EEFSEC: variants seen among roughly 807,000 people sequenced by gnomAD.
The protein encoded by EEFSEC is selenocysteine-specific elongation factor.
EEFSEC carries 43 observed loss-of-function variants against 42.1 expected under a neutral mutation model. That is an observed-to-expected ratio of 1.02 (90% CI 0.80 to 1.32). The LOEUF is 1.32. Among genes scored for constraint, EEFSEC ranks in the 40% most tolerant of loss-of-function variants. The pLI, the probability that EEFSEC is intolerant of heterozygous loss-of-function variation, is 0.00. For synonymous variants in EEFSEC, 354 were observed against 339.1 expected (o/e 1.04, Z -0.48); for missense variants, 745 against 803.6 (o/e 0.93, Z 0.88).
chr3:128,226,693 TG>T (rs2065911035), intron 1 of EEFSEC, among the ~76,000 whole-genome samples: 2 of 152,300 alleles, frequency 1.3e-5, no homozygotes, highest in African/African-American at 4.8e-5. Flanking sequence ...TCTGTATGTG[TG>T]TGTGTGTTTC....
chr3:128,262,071 C>A, intron 2 of EEFSEC, 57 bp from the exon 3 acceptor site: 1 of 1,537,680 alleles, frequency 6.5e-7, no homozygotes, highest in Non-Finnish European at 9.0e-7. Flanking sequence ...CATGGACGTG[C>A]TTTGTGTCCA....
At chr3:128,418,431 A>G in the EEFSEC span, among the ~76,000 whole-genome samples, 3 of 150,236 alleles carry the variant, frequency 2.0e-5, no homozygotes, top group African/African-American at 7.4e-5. Flanking sequence ...CCCCATGCCC[A>G]CACCAGCAAG....
At chr3:128,402,972 C>T (rs1467408233) in intron 6 of EEFSEC, among the ~76,000 whole-genome samples, 1 of 151,408 alleles carries the variant, frequency 6.6e-6, no homozygotes. Context: ...ACAACAAACC[C>T]AAAACAAGGA....
intron 2 of EEFSEC, among the ~76,000 whole-genome samples, chr3:128,257,405 G>T (rs2066251934): frequency 6.6e-6 from 1 of 152,146 alleles, no homozygotes; most frequent in African/African-American, 2.4e-5. Context: ...GATATGTTCT[G>T]CCCAGCTCGT....
chr3:128,325,865 A>G (rs2067058342), intron 4 of EEFSEC, among the ~76,000 whole-genome samples: 1 of 152,254 alleles, frequency 6.6e-6, no homozygotes, highest in Non-Finnish European at 1.5e-5. Context: ...TTATTTAGCC[A>G]TTCCTCTATT....
chr3:128,425,336 C>CT, the EEFSEC span, among the ~76,000 whole-genome samples: 1 of 152,218 alleles, frequency 6.6e-6, no homozygotes, highest in Non-Finnish European at 1.5e-5. Context: ...CTGCACGTCC[C>CT]AGCAGCTCCT....
the EEFSEC span, among the ~76,000 whole-genome samples, chr3:128,422,530 CCTCAACACAGGGGCCAGACCCTGAGAAA>C: frequency 9.6e-4 from 146 of 152,318 alleles, 1 homozygote; most frequent in African/African-American, 3.4e-3. Context: ...CAGGGCCACG[CCTCAACACAGGGGCCAGACCCTGAGAAA>C]CTCGTTCTCA....
At chr3:128,360,450 A>G (rs2067510986) in intron 6 of EEFSEC, among the ~76,000 whole-genome samples, 1 of 152,206 alleles carries the variant, frequency 6.6e-6, no homozygotes, top group Admixed American at 6.5e-5. Context: ...TCCTTCCCCT[A>G]AACAGCTCTG....
At chr3:128,397,804 G>C (rs1228668628) in intron 6 of EEFSEC, among the ~76,000 whole-genome samples, 1 of 152,274 alleles carries the variant, frequency 6.6e-6, no homozygotes, top group Non-Finnish European at 1.5e-5. Flanking sequence ...GCCCATGGAT[G>C]GGGGGCATGA....
intron 1 of EEFSEC, among the ~76,000 whole-genome samples, chr3:128,221,549 A>G (rs2065861180): frequency 6.6e-6 from 1 of 152,226 alleles, no homozygotes; most frequent in East Asian, 1.9e-4. Context: ...CCAAGAAATT[A>G]ACATAGAAAC....
At chr3:128,164,070 C>G (rs2065220630) in intron 1 of EEFSEC, among the ~76,000 whole-genome samples, 1 of 152,146 alleles carries the variant, frequency 6.6e-6, no homozygotes. Context: ...CCTCCTCTTT[C>G]TGTGATGTGC....
chr3:128,186,360 C>G (rs1428407032), intron 1 of EEFSEC, among the ~76,000 whole-genome samples: 1 of 152,006 alleles, frequency 6.6e-6, no homozygotes, highest in Non-Finnish European at 1.5e-5. Context: ...ATATTTTCTC[C>G]CATTCTGTGG....
chr3:128,253,164 G>C (rs1373607663), intron 2 of EEFSEC, among the ~76,000 whole-genome samples: 3 of 152,272 alleles, frequency 2.0e-5, no homozygotes, highest in Non-Finnish European at 2.9e-5. Flanking sequence ...TGCCCAAAAG[G>C]GTTTGGATAA....
At position 128,358,058 on chromosome 3, in the gene EEFSEC, G is replaced by A. The variant is rs1293377111; in HGVS notation, c.1444-159G>A. ...CCTGCTCCCATGCATTTTGTTATCT[G>A]TTAGGTGGGCTCATCACCAGGCTAC... is the stretch of plus-strand genomic sequence containing the variant. On this transcript the variant is annotated intron_variant, in intron 5 of 6. Transcript: ENST00000254730. Among the ~76,000 whole-genome samples the A allele has an allele frequency of 3.3e-5, 5 of 152,134 alleles. No homozygotes were observed. In the East Asian group the frequency reaches 9.6e-4, roughly 29 times the overall value.
intron 1 of EEFSEC, among the ~76,000 whole-genome samples, chr3:128,163,938 G>GGAA (rs773164719): frequency 8.1e-6 from 1 of 124,144 alleles, no homozygotes; most frequent in African/African-American, 2.8e-5. Context: ...ATTTTTTTGT[G>GGAA]AAAAAAAAAA....
At position 128,262,222 on chromosome 3, in the gene EEFSEC, G is replaced by T; in HGVS notation, c.619G>T (p.Glu207Ter). ...TCCACAGGGCATTCCAGAGCTCATT[G>T]AGGTACTGTCATCTTGAATCCAGGT... is the stretch of plus-strand genomic sequence containing the variant. ...EAPQGIPELIELLTSQISIPT... is the reference protein window; with the variant it reads ...EAPQGIPELI Residue 207 changes from glutamate to a stop codon, truncating the protein, a stop_gained and splice_region_variant, in exon 3 of 7, where the codon GAG becomes TAG. Coordinates refer to ENST00000254730, the MANE Select transcript of EEFSEC (RefSeq NM_021937.5). LOFTEE classifies it high-confidence loss of function. 1 of 1,614,068 alleles carries T rather than the reference G, an allele frequency of 6.2e-7. No homozygotes were observed. Among genetic ancestry groups the T allele is most frequent in the East Asian group, 2.2e-5 (1 of 44,882 alleles).
At chr3:128,261,452 T>C (rs2066295362) in intron 2 of EEFSEC, among the ~76,000 whole-genome samples, 1 of 151,144 alleles carries the variant, frequency 6.6e-6, no homozygotes, top group South Asian at 2.1e-4. Context: ...ATAACCAAAA[T>C]CTGAAAAAAA....
chr3:128,216,201 A>G (rs1242852434), intron 1 of EEFSEC, among the ~76,000 whole-genome samples: 1 of 152,236 alleles, frequency 6.6e-6, no homozygotes, highest in African/African-American at 2.4e-5. Flanking sequence ...AAACTGTCCC[A>G]TTTAGTTGAA....
intron 1 of EEFSEC, among the ~76,000 whole-genome samples, chr3:128,221,646 A>G (rs2107847878): frequency 6.6e-6 from 1 of 152,306 alleles, no homozygotes; most frequent in Admixed American, 6.5e-5. Context: ...GCAAGCCCCC[A>G]CAGAAAACAA....
Sources: gnomAD v4.1 joint callset for allele counts (sites outside exome capture counted in the v4.1 genomes callset) on GRCh38, gnomAD v4.1.1 for gene constraint, MANE v1.5 for transcripts, NCBI Gene and HGNC (gene_info 2026-07-23, HGNC 2026-07-21) for gene names.